Variants in ZNF609 observed in about 807,000 individuals in gnomAD.
The protein encoded by ZNF609 is zinc finger protein 609.
A neutral mutation model predicts 109.5 loss-of-function variants in ZNF609; 11 were observed. The observed-to-expected ratio is 0.10, with a 90% CI of 0.06 to 0.17. The LOEUF (loss-of-function observed/expected upper bound fraction) is 0.17. Among genes scored for constraint, ZNF609 ranks in the 10% least tolerant of loss-of-function variants. The pLI, the probability that ZNF609 is intolerant of heterozygous loss-of-function variation, is 1.00. For synonymous variants in ZNF609, 646 were observed against 662.0 expected, an observed-to-expected ratio of 0.98 and a Z score of 0.37; for missense variants, 1,559 against 1,772.4, an observed-to-expected ratio of 0.88 and a Z score of 2.16.
intron 2 of ZNF609, among the ~76,000 whole-genome samples, chr15:64,534,732 A>C (rs1303612713): frequency 6.6e-6 from 1 of 152,058 alleles, no homozygotes; most frequent in Non-Finnish European, 1.5e-5. Context: ...AAATTTTGTT[A>C]TATAAAAACT....
In ZNF609 at chr15:64,666,531, C is replaced by G. The variant is rs1487104664; in HGVS notation, c.974-3815C>G. The stretch of plus-strand genomic sequence containing the variant: ...TATTTATTTATTTTTTGAGATGAAG[C>G]CTTGCTCTGTCGCCGAGGCTGGAGT... On this transcript the variant is annotated intron_variant, in intron 3 of 9. Transcript: ENST00000326648. 2.0e-5 allele frequency among the ~76,000 whole-genome samples: 3 copies of G among 151,914 alleles called. No individual in the cohort carries two copies. In the South Asian group the frequency reaches 6.2e-4, roughly 32 times the overall value.
intron 2 of ZNF609, among the ~76,000 whole-genome samples, chr15:64,512,188 A>T (rs1478126537): frequency 6.6e-6 from 1 of 151,610 alleles, no homozygotes; most frequent in African/African-American, 2.4e-5. Context: ...CACCTTAATT[A>T]GGAGAATTAA....
At chr15:64,581,095 A>T (rs964271427) in intron 2 of ZNF609, among the ~76,000 whole-genome samples, 1 of 150,794 alleles carries the variant, frequency 6.6e-6, no homozygotes, top group African/African-American at 2.4e-5. Context: ...TTACACTCAT[A>T]GCACACTGTG....
chr15:64,467,288 T>G (rs1360879498), intron 1 of ZNF609, among the ~76,000 whole-genome samples: 1 of 152,208 alleles, frequency 6.6e-6, no homozygotes, highest in African/African-American at 2.4e-5. Context: ...TCTGGCCAAC[T>G]TCTTTGGGGT....
intron 2 of ZNF609, among the ~76,000 whole-genome samples, chr15:64,578,545 C>T (rs478227): frequency 0.98 from 149,666 of 152,204 alleles, 73,629 homozygotes; most frequent in East Asian, 1. Context: ...ATACAAAAAT[C>T]AGCCATGTGT....
At chr15:64,497,835 AG>A (rs1338281192) in intron 1 of ZNF609, among the ~76,000 whole-genome samples, 1 of 151,328 alleles carries the variant, frequency 6.6e-6, no homozygotes, top group African/African-American at 2.4e-5. Context: ...CGGGAGGCAG[AG>A]GTTGCAGTGA....
chr15:64,646,108 A>T (rs897219876), intron 3 of ZNF609, among the ~76,000 whole-genome samples: 3 of 152,240 alleles, frequency 2.0e-5, no homozygotes, highest in African/African-American at 7.2e-5. Context: ...TATTCACAAT[A>T]TTCAGAAGGT....
chr15:64,517,108 G>T (rs1015612040), intron 2 of ZNF609, among the ~76,000 whole-genome samples: 2 of 152,148 alleles, frequency 1.3e-5, no homozygotes, highest in Non-Finnish European at 2.9e-5. Flanking sequence ...GGGTACGCTG[G>T]CTCACTCCTA....
chr15:64,529,736 A>G (rs993725653), intron 2 of ZNF609: 2 of 605,810 alleles, frequency 3.3e-6, no homozygotes, highest in Non-Finnish European at 6.2e-6. Context: ...CAGGAGGAGC[A>G]GAGACTTTTT....
intron 3 of ZNF609, among the ~76,000 whole-genome samples, chr15:64,663,889 G>A (rs1896611958): frequency 6.6e-6 from 1 of 152,180 alleles, no homozygotes; most frequent in Non-Finnish European, 1.5e-5. Context: ...AAACAAAGCA[G>A]TGCTGCTTTG....
At chr15:64,502,456 C>A (rs1481071591) in intron 2 of ZNF609, 1 of 152,024 alleles carries the variant, frequency 6.6e-6, no homozygotes, top group Non-Finnish European at 1.5e-5. Context: ...ACAACAATCT[C>A]CGGTTTGGGG....
At chr15:64,578,223 C>T (rs1308835036) in intron 2 of ZNF609, among the ~76,000 whole-genome samples, 2 of 151,706 alleles carry the variant, frequency 1.3e-5, no homozygotes, top group Admixed American at 6.6e-5. Flanking sequence ...CAGCCCACTG[C>T]GCCCAGCCAA....
chr15:64,484,987 G>A (rs1893312876), intron 1 of ZNF609, among the ~76,000 whole-genome samples: 1 of 152,092 alleles, frequency 6.6e-6, no homozygotes, highest in Admixed American at 6.5e-5. Context: ...AAAAGTGAAA[G>A]AAACTAGGAA....
At chr15:64,536,720 T>G (rs564372162) in intron 2 of ZNF609, among the ~76,000 whole-genome samples, 80 of 95,896 alleles carry the variant, frequency 8.3e-4, no homozygotes, top group African/African-American at 3.0e-3. Context: ...CTACTAAAAT[T>G]CCACCCCCCC....
At chr15:64,586,906 C>G (rs1321663601) in intron 2 of ZNF609, among the ~76,000 whole-genome samples, 1 of 152,198 alleles carries the variant, frequency 6.6e-6, no homozygotes, top group African/African-American at 2.4e-5. Flanking sequence ...AGAGAGACAG[C>G]TGTAATGTGG....
intron 3 of ZNF609, chr15:64,654,031 A>C (rs77062089): frequency 6.6e-6 from 1 of 152,028 alleles, no homozygotes; most frequent in East Asian, 1.9e-4. Flanking sequence ...CAAGTTCACT[A>C]TATCAGTTTA....
intron 5 of ZNF609, among the ~76,000 whole-genome samples, chr15:64,677,258 T>C (rs1896821748): frequency 6.6e-6 from 1 of 151,940 alleles, no homozygotes; most frequent in African/African-American, 2.4e-5. Context: ...GAGAGGGGTC[T>C]CACTATGTTG....
chr15:64,592,966 C>T, intron 2 of ZNF609: 1 of 1,046,994 alleles, frequency 9.6e-7, no homozygotes. Flanking sequence ...TCTCTCCGGT[C>T]CGTGCCTCCA....
intron 2 of ZNF609, among the ~76,000 whole-genome samples, chr15:64,612,187 C>T (rs1370159376): frequency 6.7e-6 from 1 of 149,332 alleles, no homozygotes; most frequent in African/African-American, 2.5e-5. Context: ...CCCCTCTGTC[C>T]CCCAGGCTGG....
Sources: gnomAD v4.1 joint callset for allele counts (sites outside exome capture counted in the v4.1 genomes callset) on GRCh38, gnomAD v4.1.1 for gene constraint, MANE v1.5 for transcripts, NCBI Gene and HGNC (gene_info 2026-07-23, HGNC 2026-07-21) for gene names.